The following PID1 variants were observed in gnomAD, a reference collection of about 807,000 sequenced individuals.
PID1 encodes the protein PTB-containing, cubilin and LRP1-interacting protein.
A neutral mutation model predicts 19.1 loss-of-function variants in PID1; 10 were observed. That is an observed-to-expected ratio of 0.52 (90% CI 0.32 to 0.89). PID1 has a LOEUF of 0.89. Ranked by LOEUF, PID1 falls within the 40% of genes least tolerant of loss-of-function variation. PID1 has a pLI of 0.03. For synonymous variants in PID1, 130 were observed against 116.0 expected, an observed-to-expected ratio of 1.12 and a Z score of -0.78; for missense variants, 248 against 285.3, an observed-to-expected ratio of 0.87 and a Z score of 0.94.
At chr2:229,230,796 C>G (rs562984714) in intron 1 of PID1, among the ~76,000 whole-genome samples, 2 of 152,210 alleles carry the variant, frequency 1.3e-5, no homozygotes, top group Admixed American at 1.3e-4. Context: ...TACACACACA[C>G]ACATATGTAT....
At chr2:229,159,904 G>A (rs1365130261) in intron 1 of PID1, among the ~76,000 whole-genome samples, 2 of 152,148 alleles carry the variant, frequency 1.3e-5, no homozygotes, top group African/African-American at 2.4e-5. Context: ...GCCAACAGGG[G>A]ACAGTGGTCT....
intron 2 of PID1, among the ~76,000 whole-genome samples, chr2:229,132,254 C>T (rs1689758406): frequency 6.6e-6 from 1 of 152,176 alleles, no homozygotes; most frequent in Non-Finnish European, 1.5e-5. Flanking sequence ...CTGAGGACCA[C>T]AACCATCTAT....
At chr2:229,260,702 C>T (rs1217494590) in intron 1 of PID1, among the ~76,000 whole-genome samples, 1 of 151,546 alleles carries the variant, frequency 6.6e-6, no homozygotes, top group Non-Finnish European at 1.5e-5. Context: ...AACTTCTTTA[C>T]ATACTTCTAA....
At chr2:229,217,899 C>G (rs1691882580) in intron 1 of PID1, among the ~76,000 whole-genome samples, 1 of 152,156 alleles carries the variant, frequency 6.6e-6, no homozygotes, top group South Asian at 2.1e-4. Context: ...CAATTTCTAA[C>G]ACATATTTCA....
chr2:229,216,998 T>C (rs1025319965), intron 1 of PID1, among the ~76,000 whole-genome samples: 2 of 152,216 alleles, frequency 1.3e-5, no homozygotes, highest in African/African-American at 4.8e-5. Flanking sequence ...TGTACACATC[T>C]CAAGTACTTT....
chr2:229,156,863 G>A (rs937687810), intron 1 of PID1, among the ~76,000 whole-genome samples: 6 of 152,086 alleles, frequency 3.9e-5, no homozygotes, highest in Admixed American at 3.3e-4. Flanking sequence ...ATCCTCTCAT[G>A]TAGGGGTCCA....
intron 2 of PID1, among the ~76,000 whole-genome samples, chr2:229,140,112 G>A (rs1290559842): frequency 2.6e-5 from 4 of 151,938 alleles, no homozygotes; most frequent in Non-Finnish European, 5.9e-5. Flanking sequence ...TGTCCACCCC[G>A]GAAGCTACAT....
chr2:229,219,647 C>G (rs1477338007), intron 1 of PID1, among the ~76,000 whole-genome samples: 2 of 152,128 alleles, frequency 1.3e-5, no homozygotes, highest in East Asian at 3.9e-4. Context: ...GATCCTCCCA[C>G]CTCAGCCTCC....
At chr2:229,123,668 C>T (rs1303881336) in intron 2 of PID1, among the ~76,000 whole-genome samples, 1 of 152,204 alleles carries the variant, frequency 6.6e-6, no homozygotes, top group Admixed American at 6.5e-5. Context: ...ACTTTCTACA[C>T]ATCCTCACCA....
intron 2 of PID1, among the ~76,000 whole-genome samples, chr2:229,075,820 T>C (rs1694545827): frequency 6.6e-6 from 1 of 152,392 alleles, no homozygotes; most frequent in African/African-American, 2.4e-5. Context: ...GGTCTCACAC[T>C]TGTCCCTGCC....
chr2:229,162,733 C>T (rs1186742658), intron 1 of PID1, among the ~76,000 whole-genome samples: 3 of 152,108 alleles, frequency 2.0e-5, no homozygotes, highest in Non-Finnish European at 4.4e-5. Flanking sequence ...TTTGGGGATT[C>T]GAAAGGATTA....
intron 1 of PID1, among the ~76,000 whole-genome samples, chr2:229,270,745 C>A (rs1440843583): frequency 1.3e-5 from 2 of 151,862 alleles, no homozygotes; most frequent in African/African-American, 4.8e-5. Context: ...GTCAGAAAGT[C>A]CAACCTTATA....
chr2:229,251,063 A>G (rs1690137584), intron 1 of PID1, among the ~76,000 whole-genome samples: 1 of 152,214 alleles, frequency 6.6e-6, no homozygotes, highest in Non-Finnish European at 1.5e-5. Flanking sequence ...ATCTCCATCA[A>G]TCAATTCAAG....
rs371493460 is a variant in PID1 at position 229,034,517 on chromosome 2, A to G, written c.178-8409T>C. ...TTGCCACATCCCAACTGCCCTTCTC[A>G]AGGCTGGTCCCTTTAGACTTGTGGT... On this transcript the variant is annotated intron_variant, in intron 2 of 2. Coordinates refer to ENST00000392055, the MANE Select transcript of PID1 (RefSeq NM_001100818.2). 2.6e-5 allele frequency among the ~76,000 whole-genome samples: 4 copies of G among 152,226 alleles called. No homozygotes were observed. The South Asian group carries it at 6.2e-4, about 24-fold the overall frequency.
chr2:229,251,314 C>G (rs1035304567), intron 1 of PID1, among the ~76,000 whole-genome samples: 1 of 151,158 alleles, frequency 6.6e-6, no homozygotes, highest in Non-Finnish European at 1.5e-5. Context: ...GTAGAATGCA[C>G]AGAAAGTTAA....
At chr2:229,081,400 C>T (rs1176331491) in intron 2 of PID1, among the ~76,000 whole-genome samples, 1 of 152,054 alleles carries the variant, frequency 6.6e-6, no homozygotes, top group Non-Finnish European at 1.5e-5. Context: ...ATAGTAGGTT[C>T]AAAAATGTGA....
intron 2 of PID1, among the ~76,000 whole-genome samples, chr2:229,039,049 G>A (rs1002098191): frequency 2.0e-5 from 3 of 152,094 alleles, no homozygotes; most frequent in African/African-American, 7.2e-5. Flanking sequence ...CTTAAGTAAC[G>A]CCACTGTATA....
intron 1 of PID1, among the ~76,000 whole-genome samples, chr2:229,186,387 T>C (rs1691131926): frequency 6.6e-6 from 1 of 152,204 alleles, no homozygotes; most frequent in South Asian, 2.1e-4. Flanking sequence ...AGGGACTTTG[T>C]GTGGGGGTTT....
At chr2:229,108,204 C>T (rs1485048666) in intron 2 of PID1, among the ~76,000 whole-genome samples, 2 of 152,234 alleles carry the variant, frequency 1.3e-5, no homozygotes, top group Admixed American at 6.5e-5. Flanking sequence ...TCCCAGAAAT[C>T]CAAGAGATCA....
Sources: gnomAD v4.1 joint callset for allele counts (sites outside exome capture counted in the v4.1 genomes callset) on GRCh38, gnomAD v4.1.1 for gene constraint, MANE v1.5 for transcripts, NCBI Gene and HGNC (gene_info 2026-07-23, HGNC 2026-07-21) for gene names.